Variants in AFAP1 observed in about 807,000 individuals in gnomAD.
AFAP1 encodes actin filament associated protein 1, also known as actin filament-associated protein 1.
Under a neutral mutation model 93.9 loss-of-function variants are expected in AFAP1, and 75 were observed. The ratio of observed to expected loss-of-function variants is 0.80; its 90% CI spans 0.66 to 0.97. AFAP1 has a LOEUF of 0.97. Ranked by LOEUF, AFAP1 falls within the 50% of genes least tolerant of loss-of-function variation. The probability of loss-of-function intolerance (pLI) is 0.00; values close to 1 mark genes in which losing one functional copy is unlikely to be tolerated. For synonymous variants in AFAP1, 517 were observed against 430.7 expected (o/e 1.20, Z -2.48); for missense variants, 1,201 against 1,050.8 (o/e 1.14, Z -1.98).
At position 7,786,272 on chromosome 4, in the gene AFAP1, T is replaced by A. The variant is rs1717252576; in HGVS notation, c.1452A>T (p.Leu484=). 1.2e-6 allele frequency: 2 copies of A among 1,614,204 alleles called. No individual in the cohort carries two copies. The highest frequency in any genetic ancestry group is 8.5e-7 in the Non-Finnish European group (1 of 1,180,034). Residue 484 remains leucine (L), a synonymous_variant, in exon 12 of 18, where the codon CTA becomes CTT. Coordinates refer to ENST00000420658, the MANE Select transcript of AFAP1 (RefSeq NM_001134647.2). ...GGGCATAGCCGTTGGAGGTGCCCCC[T>A]AGATATGGGTTAGCAGATATAACAC... ...NRRVISANPY[L]GGTSNGYAHP... is the part of the protein sequence containing the mutation.
intron 12 of AFAP1, 66 bp from the exon 13 acceptor site, chr4:7,781,693 A>T: frequency 6.5e-7 from 1 of 1,530,494 alleles, no homozygotes; most frequent in Non-Finnish European, 8.8e-7. Flanking sequence ...TAGCACAGTG[A>T]GATGTCATTT....
intron 5 of AFAP1, 139 bp downstream of exon 5, chr4:7,843,000 C>T (rs1560193436): frequency 4.3e-6 from 4 of 922,250 alleles, no homozygotes; most frequent in African/African-American, 1.7e-5. Context: ...CATGGTACTG[C>T]GGCTAGCTCA....
Position 7,816,064 on chromosome 4 carries a change from CT to C in AFAP1, c.857del (p.Glu286GlyfsTer17). On this transcript the variant is annotated frameshift_variant, in exon 8 of 18. Transcript: ENST00000420658. LOFTEE classifies it high-confidence loss of function. Reference protein sequence around the residue: ...LSSERPSSDGEGVVENGITTC... With the variant: ...LSSERPSSDGXGVVENGITTC... ...TGGTAATTCCATTTTCCACAACACC[CT>C]CCCCATCTGAGCTGGGTCTCTCTGA... is the stretch of plus-strand genomic sequence containing the variant. 1.2e-6 allele frequency: 2 copies of C among 1,613,094 alleles called. No individual in the cohort carries two copies. The highest frequency in any genetic ancestry group is 1.7e-6 in the Non-Finnish European group (2 of 1,179,704).
At chr4:7,773,090 A>AAGAACTTCC in intron 15 of AFAP1, 80 bp from the exon 16 acceptor site, 2 of 1,498,936 alleles carry the variant, frequency 1.3e-6, no homozygotes, top group Non-Finnish European at 1.8e-6. Flanking sequence ...GGTCCCCAAG[A>AAGAACTTCC]AGAACTTCCA....
At chr4:7,785,153 C>G (rs969638857) in intron 12 of AFAP1, among the ~76,000 whole-genome samples, 1 of 152,110 alleles carries the variant, frequency 6.6e-6, no homozygotes, top group Admixed American at 6.5e-5. Context: ...GGCCGGGCAC[C>G]GTGCCTGGAT....
At chr4:7,928,474 G>A (rs1318956464) in intron 1 of AFAP1, among the ~76,000 whole-genome samples, 3 of 152,030 alleles carry the variant, frequency 2.0e-5, no homozygotes, top group African/African-American at 4.8e-5. Flanking sequence ...TGCAACCTCC[G>A]CCTCCCGGGT....
intron 1 of AFAP1, among the ~76,000 whole-genome samples, chr4:7,931,874 T>C: frequency 6.6e-6 from 1 of 152,250 alleles, no homozygotes; most frequent in Middle Eastern, 3.4e-3. Context: ...CTTTTTCTTT[T>C]TTTTGAGACG....
At chr4:7,871,885 A>G in intron 2 of AFAP1, 67 bp downstream of exon 2, 6 of 1,553,408 alleles carry the variant, frequency 3.9e-6, no homozygotes, top group Non-Finnish European at 5.2e-6. Context: ...AAAGGTGGTA[A>G]AATTAAAGAC....
At chr4:7,922,877 G>A (rs1720513426) in intron 1 of AFAP1, among the ~76,000 whole-genome samples, 1 of 152,090 alleles carries the variant, frequency 6.6e-6, no homozygotes, top group East Asian at 1.9e-4. Flanking sequence ...CAGCTACTCA[G>A]GAGCTACTCA....
chr4:7,919,163 A>G (rs1720296265), intron 1 of AFAP1, among the ~76,000 whole-genome samples: 2 of 152,224 alleles, frequency 1.3e-5, no homozygotes, highest in South Asian at 4.1e-4. Flanking sequence ...GCCCCCGGAA[A>G]GGGAATCTGA....
chr4:7,885,840 T>G (rs1470444326), intron 1 of AFAP1, among the ~76,000 whole-genome samples: 1 of 152,204 alleles, frequency 6.6e-6, no homozygotes, highest in East Asian at 1.9e-4. Flanking sequence ...CTCGAGCAAG[T>G]TGATCACCAC....
At chr4:7,906,776 T>C (rs1429234857) in intron 1 of AFAP1, among the ~76,000 whole-genome samples, 1 of 152,206 alleles carries the variant, frequency 6.6e-6, no homozygotes, top group African/African-American at 2.4e-5. Context: ...ATCCCAGCAC[T>C]TTGGGAAGCC....
chr4:7,822,591 T>TTC (rs775143913), intron 6 of AFAP1, among the ~76,000 whole-genome samples: 5 of 93,420 alleles, frequency 5.4e-5, no homozygotes, highest in Admixed American at 2.2e-4. Context: ...TTTTTCTTTT[T>TTC]TTTTTTTTTT....
intron 16 of AFAP1, 30 bp downstream of exon 16, chr4:7,772,790 G>A: frequency 6.2e-7 from 1 of 1,602,856 alleles, no homozygotes; most frequent in Non-Finnish European, 8.5e-7. Context: ...GGCCGCGCCA[G>A]CCTCCGAGGT....
intron 1 of AFAP1, among the ~76,000 whole-genome samples, chr4:7,928,119 T>C (rs766826045): frequency 4.6e-5 from 7 of 152,310 alleles, no homozygotes; most frequent in Non-Finnish European, 8.8e-5. Context: ...AGCCCAGTGT[T>C]CCTCACGTAA....
intron 1 of AFAP1, among the ~76,000 whole-genome samples, chr4:7,911,475 C>G (rs923828215): frequency 6.6e-6 from 1 of 152,308 alleles, no homozygotes; most frequent in East Asian, 1.9e-4. Flanking sequence ...GATTCCAGAG[C>G]CGCTATTCAC....
chr4:7,761,997 A>G lies in AFAP1; in HGVS notation c.*1768T>C, dbSNP rs967696943. ...GGAACGTGCATCAGAGGGGAAAGAA[A>G]GGCTGGCTGATGGCTCAGGAACCCA... On this transcript the variant is annotated 3_prime_UTR_variant, in exon 18 of 18. Transcript: ENST00000420658. The G allele has an allele frequency of 2.0e-5, 3 of 152,400 alleles. No homozygotes were observed. Among genetic ancestry groups the G allele is most frequent in the East Asian group, 1.9e-4 (1 of 5,194 alleles). 9.4% of individuals were successfully genotyped at this position (152,400 alleles called of 1,614,324 possible).
intron 17 of AFAP1, 106 bp downstream of exon 17, chr4:7,768,738 T>C (rs1311676707): frequency 4.5e-6 from 6 of 1,341,440 alleles, no homozygotes; most frequent in Non-Finnish European, 4.9e-6. Flanking sequence ...GAGTGCCAAG[T>C]GGATGCAGTA....
chr4:7,893,220 T>C (rs941696070), intron 1 of AFAP1, among the ~76,000 whole-genome samples: 1 of 152,184 alleles, frequency 6.6e-6, no homozygotes, highest in Admixed American at 6.5e-5. Flanking sequence ...ATGACTCTTG[T>C]AAGATGTCTA....
Sources: gnomAD v4.1 joint callset for allele counts (sites outside exome capture counted in the v4.1 genomes callset) on GRCh38, gnomAD v4.1.1 for gene constraint, MANE v1.5 for transcripts, NCBI Gene and HGNC (gene_info 2026-07-23, HGNC 2026-07-21) for gene names.